Variants in TMEFF2 observed in about 807,000 individuals in gnomAD.
TMEFF2 encodes tomoregulin-2.
In TMEFF2, 28 loss-of-function variants were observed where a neutral mutation model predicts 53.8. The observed-to-expected ratio is 0.52, with a 90% CI of 0.39 to 0.71. The LOEUF (loss-of-function observed/expected upper bound fraction) is 0.71. TMEFF2 is among the 30% of genes least tolerant of loss of function. TMEFF2 has a pLI of 0.00. For synonymous variants in TMEFF2, 162 were observed against 166.3 expected, an observed-to-expected ratio of 0.97 and a Z score of 0.20; for missense variants, 353 against 455.2, an observed-to-expected ratio of 0.78 and a Z score of 2.04.
intron 4 of TMEFF2, among the ~76,000 whole-genome samples, chr2:192,109,249 A>G (rs1689220956): frequency 6.6e-6 from 1 of 152,070 alleles, no homozygotes; most frequent in South Asian, 2.1e-4. Context: ...GAGTTCATGT[A>G]CTATATTCTT....
rs1484843974 is a variant in TMEFF2, at chr2:192,194,366, G to T, written c.159C>A (p.Gly53=). The part of the protein sequence containing the change: ...TSLSDCQTPT[G]WNCSGYDDRE... ...TTCTGGACTTACCAGAGCAATTCCA[G>T]CCGGTGGGCGTTTGGCAGTCACTTA... Residue 53 remains glycine (G), a synonymous_variant, in exon 1 of 10, where the codon GGC becomes GGA. Coordinates refer to ENST00000272771, the MANE Select transcript of TMEFF2 (RefSeq NM_016192.4). This position sits in a 1 kb window ranked among gnomAD's most constrained non-coding sequence, Gnocchi z 4.2. The T allele has an allele frequency of 3.0e-5, 48 of 1,614,028 alleles. No individual in the cohort carries two copies. Among genetic ancestry groups the T allele is most frequent in the Non-Finnish European group, 4.1e-5 (48 of 1,180,012 alleles).
At chr2:191,976,669 A>G (rs1204797490) in intron 7 of TMEFF2, among the ~76,000 whole-genome samples, 2 of 152,236 alleles carry the variant, frequency 1.3e-5, no homozygotes, top group African/African-American at 4.8e-5. Context: ...AAAGAGTCTG[A>G]AAAGCAAACA....
chr2:192,008,734 T>C (rs1381654585), intron 5 of TMEFF2, among the ~76,000 whole-genome samples: 1 of 152,358 alleles, frequency 6.6e-6, no homozygotes, highest in East Asian at 1.9e-4. Flanking sequence ...ACTTGCTGCA[T>C]TCTGTCATTA....
chr2:192,114,261 T>C (rs1648460139), intron 4 of TMEFF2, among the ~76,000 whole-genome samples: 1 of 152,012 alleles, frequency 6.6e-6, no homozygotes, highest in Non-Finnish European at 1.5e-5. Flanking sequence ...GTTTGGATAA[T>C]ATTACCTGTT....
intron 4 of TMEFF2, among the ~76,000 whole-genome samples, chr2:192,132,304 C>A (rs34662526): frequency 0.32 from 47,963 of 152,004 alleles, 9,784 homozygotes; most frequent in Non-Finnish European, 0.47. Context: ...GCTCCTTTTT[C>A]TTTATCCCAA....
At chr2:191,988,371 T>C (rs1334687419) in intron 7 of TMEFF2, among the ~76,000 whole-genome samples, 1 of 152,070 alleles carries the variant, frequency 6.6e-6, no homozygotes, top group Non-Finnish European at 1.5e-5. Flanking sequence ...AGCTCAGAGA[T>C]TATTTCAAAC....
intron 2 of TMEFF2, among the ~76,000 whole-genome samples, chr2:192,190,213 T>A (rs544980929): frequency 1.2e-3 from 185 of 152,276 alleles, no homozygotes; most frequent in Non-Finnish European, 9.3e-4. Context: ...CAACCCCTTT[T>A]TTTTTTCTCC....
intron 4 of TMEFF2, among the ~76,000 whole-genome samples, chr2:192,148,225 G>A (rs1320043042): frequency 6.6e-6 from 1 of 152,026 alleles, no homozygotes; most frequent in African/African-American, 2.4e-5. Context: ...TTAAGATCCT[G>A]TTACTAATCC....
intron 2 of TMEFF2, among the ~76,000 whole-genome samples, chr2:192,191,510 T>C (rs1306174597): frequency 6.6e-6 from 1 of 152,122 alleles, no homozygotes; most frequent in African/African-American, 2.4e-5. Context: ...AAAAAGATGA[T>C]AGCCCCAATC....
At chr2:192,189,440 G>A (rs1299648911) in intron 2 of TMEFF2, among the ~76,000 whole-genome samples, 1 of 150,896 alleles carries the variant, frequency 6.6e-6, no homozygotes, top group Non-Finnish European at 1.5e-5. Context: ...AGCTACTCGG[G>A]AGGCTGAGGC....
intron 4 of TMEFF2, among the ~76,000 whole-genome samples, chr2:192,128,884 C>T (rs16834234): frequency 0.042 from 6,250 of 148,422 alleles, 165 homozygotes; most frequent in Middle Eastern, 0.12. Context: ...GCTGCAGCGG[C>T]GCATTTTGGC....
intron 3 of TMEFF2, among the ~76,000 whole-genome samples, 179 bp downstream of exon 3, chr2:192,184,175 G>C (rs1364827170): frequency 6.6e-6 from 1 of 152,024 alleles, no homozygotes; most frequent in Non-Finnish European, 1.5e-5. Flanking sequence ...TCTTCCAAAA[G>C]TGATTTGAAA....
intron 5 of TMEFF2, among the ~76,000 whole-genome samples, chr2:192,001,818 C>T (rs1233343460): frequency 6.6e-6 from 1 of 152,134 alleles, no homozygotes; most frequent in Non-Finnish European, 1.5e-5. Flanking sequence ...GTCCATTAAA[C>T]CTCTTTCTTT....
chr2:192,123,337 GT>G lies in TMEFF2; in HGVS notation c.439+56330del, dbSNP rs972528700. The stretch of plus-strand genomic sequence containing the variant: ...TACTTGTTTTGATAAATAAGTTTAT[GT>G]TTTTTTTCCTAGAGTCAAAAATTGA... On this transcript the variant is annotated intron_variant, in intron 4 of 9. Coordinates refer to ENST00000272771, the MANE Select transcript of TMEFF2 (RefSeq NM_016192.4). Among the ~76,000 whole-genome samples the G allele has an allele frequency of 5.3e-5, 8 of 151,870 alleles. No individual in the cohort carries two copies. The South Asian group carries it at 8.3e-4, about 16-fold the overall frequency.
intron 4 of TMEFF2, among the ~76,000 whole-genome samples, chr2:192,119,322 CTTT>C (rs1005501254): frequency 6.6e-6 from 1 of 152,106 alleles, no homozygotes; most frequent in African/African-American, 2.4e-5. Flanking sequence ...AGTTAGTATT[CTTT>C]ATCATTGAAA....
At chr2:191,986,742 C>T (rs190842513) in intron 7 of TMEFF2, among the ~76,000 whole-genome samples, 76 of 151,462 alleles carry the variant, frequency 5.0e-4, no homozygotes, top group Non-Finnish European at 5.9e-5. Flanking sequence ...CCTGTAATCC[C>T]AGCTACTCAG....
At chr2:192,136,343 G>C (rs545758394) in intron 4 of TMEFF2, among the ~76,000 whole-genome samples, 27 of 152,250 alleles carry the variant, frequency 1.8e-4, no homozygotes, top group South Asian at 8.3e-4. Context: ...AAGGTTAATT[G>C]CTAAGTATTT....
At chr2:192,172,072 T>C (rs1257007749) in intron 4 of TMEFF2, among the ~76,000 whole-genome samples, 1 of 151,976 alleles carries the variant, frequency 6.6e-6, no homozygotes, top group Non-Finnish European at 1.5e-5. Context: ...GCCCACGGTA[T>C]GCTCCCTTTT....
chr2:192,085,876 G>C (rs1688660122), intron 4 of TMEFF2, among the ~76,000 whole-genome samples: 1 of 152,122 alleles, frequency 6.6e-6, no homozygotes, highest in Non-Finnish European at 1.5e-5. Context: ...GTATTCTAGA[G>C]AACTCTGCAT....
Sources: allele counts gnomAD v4.1 joint callset (sites outside exome capture counted in the v4.1 genomes callset), GRCh38; gene constraint gnomAD v4.1.1; non-coding constraint Gnocchi (gnomAD v3.1); transcripts MANE v1.5; gene names NCBI Gene and HGNC (gene_info 2026-07-23, HGNC 2026-07-21).